SNTB1: variants seen among roughly 807,000 people sequenced by gnomAD.
SNTB1 encodes beta-1-syntrophin.
In SNTB1, 36 loss-of-function variants were observed where a neutral mutation model predicts 48.9. The ratio of observed to expected loss-of-function variants is 0.74; its 90% CI spans 0.56 to 0.97. The LOEUF is 0.97. Ranked by LOEUF, SNTB1 falls within the 50% of genes least tolerant of loss-of-function variation. The pLI, the probability that SNTB1 is intolerant of heterozygous loss-of-function variation, is 0.00. For missense variants in SNTB1, 786 were observed against 703.4 expected, an observed-to-expected ratio of 1.12 and a Z score of -1.33; for synonymous variants, 299 against 294.6, an observed-to-expected ratio of 1.01 and a Z score of -0.15.
chr8:120,668,198 T>C (rs182675477), intron 2 of SNTB1, among the ~76,000 whole-genome samples: 22 of 152,338 alleles, frequency 1.4e-4, no homozygotes, highest in Admixed American at 1.4e-3. Context: ...CAGGCTCTCC[T>C]GCGGTTCCCT....
intron 1 of SNTB1, among the ~76,000 whole-genome samples, chr8:120,770,519 A>G (rs1040961465): frequency 3.3e-5 from 5 of 152,080 alleles, no homozygotes; most frequent in African/African-American, 1.2e-4. Context: ...CTTTGAAAGT[A>G]CACACCTTTA....
intron 2 of SNTB1, among the ~76,000 whole-genome samples, chr8:120,650,585 G>T (rs1411564470): frequency 6.6e-6 from 1 of 152,126 alleles, no homozygotes; most frequent in Non-Finnish European, 1.5e-5. Context: ...TGTCCCTGAA[G>T]TCCTTCAAAT....
chr8:120,608,451 A>T (rs1390181599), intron 3 of SNTB1, among the ~76,000 whole-genome samples: 1 of 152,196 alleles, frequency 6.6e-6, no homozygotes, highest in African/African-American at 2.4e-5. Flanking sequence ...TGGAGTCATC[A>T]TTAGAAGGAA....
At chr8:120,750,143 C>T (rs572411485) in intron 1 of SNTB1, among the ~76,000 whole-genome samples, 23 of 150,478 alleles carry the variant, frequency 1.5e-4, no homozygotes, top group East Asian at 7.9e-4. Context: ...TCCTTCCCTA[C>T]GTCCCTCCTT....
intron 1 of SNTB1, among the ~76,000 whole-genome samples, chr8:120,722,211 C>A (rs1167128101): frequency 1.3e-5 from 2 of 152,150 alleles, no homozygotes; most frequent in Non-Finnish European, 2.9e-5. Context: ...AACATACGTG[C>A]ACATGTGTCT....
At chr8:120,803,570 A>G (rs899794259) in intron 1 of SNTB1, among the ~76,000 whole-genome samples, 1 of 152,160 alleles carries the variant, frequency 6.6e-6, no homozygotes, top group Non-Finnish European at 1.5e-5. Flanking sequence ...TCCTTCACCA[A>G]ACAGACCACT....
intron 6 of SNTB1, 34 bp downstream of exon 6, chr8:120,541,776 T>C (rs1434288145): frequency 6.8e-7 from 1 of 1,475,286 alleles, no homozygotes; most frequent in Non-Finnish European, 9.2e-7. Context: ...TATTAATATA[T>C]GAAATCACAC....
chr8:120,586,647 G>T (rs759466719), intron 3 of SNTB1, among the ~76,000 whole-genome samples: 19 of 152,196 alleles, frequency 1.2e-4, no homozygotes, highest in Non-Finnish European at 2.2e-4. Context: ...CATCTGCAGA[G>T]TTCCCTTTCC....
intron 1 of SNTB1, among the ~76,000 whole-genome samples, chr8:120,759,404 T>C (rs190755773): frequency 6.6e-6 from 1 of 152,256 alleles, no homozygotes; most frequent in East Asian, 1.9e-4. Flanking sequence ...ATTAGGTTGA[T>C]GGTTTGCTTT....
chr8:120,798,679 T>A (rs1045385837), intron 1 of SNTB1, among the ~76,000 whole-genome samples: 1 of 152,054 alleles, frequency 6.6e-6, no homozygotes, highest in Non-Finnish European at 1.5e-5. Flanking sequence ...TCCAAGAAGT[T>A]TTTAAAAATC....
intron 1 of SNTB1, among the ~76,000 whole-genome samples, chr8:120,779,780 G>A (rs1222828637): frequency 6.6e-6 from 1 of 152,172 alleles, no homozygotes; most frequent in African/African-American, 2.4e-5. Flanking sequence ...GAGTTTGACA[G>A]GAGAGTGAAA....
chr8:120,811,848 C>G lies in SNTB1; in HGVS notation c.-5G>C, dbSNP rs560872361. The G allele has an allele frequency of 1.5e-5, 20 of 1,341,182 alleles. No individual in the cohort carries two copies. Among genetic ancestry groups the G allele is most frequent in the Middle Eastern group, 2.3e-4 (1 of 4,278 alleles). The allele number at this position is 1,341,182 out of a possible 1,614,324, so 83.1% of individuals were successfully genotyped here. A position where few individuals can be genotyped will look rare whatever the true frequency, so the allele number is the denominator to read the frequency against. On this transcript the variant is annotated 5_prime_UTR_variant, in exon 1 of 7. Coordinates refer to ENST00000517992, the MANE Select transcript of SNTB1 (RefSeq NM_021021.4). The stretch of plus-strand genomic sequence containing the variant: ...CGCCGCCGCCGCTACCGCCATCTTT[C>G]CGGCATTCTTAAAATGCCATGTGAT...
rs138135783 is a variant in SNTB1 at position 120,552,278 on chromosome 8, C to A, written c.1137-3320G>T. 6.6e-3 allele frequency among the ~76,000 whole-genome samples: 1,000 copies of A among 152,294 alleles called. 12 individuals are homozygous for A. The highest frequency in any genetic ancestry group is 0.023 in the African/African-American group (939 of 41,552). On this transcript the variant is annotated intron_variant, in intron 4 of 6. Coordinates refer to ENST00000517992, the MANE Select transcript of SNTB1 (RefSeq NM_021021.4). ...AATTACTAAGAGAAAGGAATGAGGT[C>A]TAAGAAAACCTGGAACCAAGCTGAC...
intron 3 of SNTB1, among the ~76,000 whole-genome samples, chr8:120,583,261 G>T (rs1381464678): frequency 6.6e-6 from 1 of 152,062 alleles, no homozygotes; most frequent in Non-Finnish European, 1.5e-5. Context: ...AGCATTTTGT[G>T]GGGAGGCCAA....
chr8:120,681,896 A>G (rs535346169), intron 2 of SNTB1, among the ~76,000 whole-genome samples: 1 of 152,322 alleles, frequency 6.6e-6, no homozygotes, highest in East Asian at 1.9e-4. Context: ...AAACAAACAA[A>G]CAAACAAACA....
At chr8:120,652,132 T>G (rs1032218515) in intron 2 of SNTB1, among the ~76,000 whole-genome samples, 9 of 152,218 alleles carry the variant, frequency 5.9e-5, no homozygotes, top group African/African-American at 2.2e-4. Flanking sequence ...GAACTATTGG[T>G]TAAAACCATC....
chr8:120,764,310 T>C (rs1236725090), intron 1 of SNTB1, among the ~76,000 whole-genome samples: 1 of 152,172 alleles, frequency 6.6e-6, no homozygotes, highest in Non-Finnish European at 1.5e-5. Flanking sequence ...ATCCAAGAAA[T>C]ACTCTTAAGT....
intron 1 of SNTB1, among the ~76,000 whole-genome samples, chr8:120,720,871 G>A (rs775460235): frequency 1.3e-5 from 2 of 152,168 alleles, no homozygotes; most frequent in African/African-American, 2.4e-5. Flanking sequence ...CCCTTCCACA[G>A]GAGCCTCCAT....
chr8:120,734,305 G>A (rs1818902347), intron 1 of SNTB1, among the ~76,000 whole-genome samples: 1 of 152,070 alleles, frequency 6.6e-6, no homozygotes, highest in Non-Finnish European at 1.5e-5. Flanking sequence ...ATTATAGCCA[G>A]GCATGGTGGC....
Sources: allele counts gnomAD v4.1 joint callset (sites outside exome capture counted in the v4.1 genomes callset), GRCh38; gene constraint gnomAD v4.1.1; transcripts MANE v1.5; gene names NCBI Gene and HGNC (gene_info 2026-07-23, HGNC 2026-07-21).